ZNF264: variants seen among roughly 807,000 people sequenced by gnomAD.
ZNF264 encodes zinc finger protein 264.
A neutral mutation model predicts 11.2 loss-of-function variants in ZNF264; 11 were observed. The ratio of observed to expected loss-of-function variants is 0.98; its 90% CI spans 0.62 to 1.63. ZNF264 has a LOEUF of 1.63. ZNF264 is among the 40% of genes most tolerant of loss of function. The probability of loss-of-function intolerance (pLI) is 0.00; values close to 1 mark genes in which losing one functional copy is unlikely to be tolerated. For missense variants in ZNF264, 752 were observed against 768.1 expected, an observed-to-expected ratio of 0.98 and a Z score of 0.25; for synonymous variants, 309 against 279.8, an observed-to-expected ratio of 1.10 and a Z score of -1.04.
intron 2 of ZNF264, among the ~76,000 whole-genome samples, chr19:57,198,298 T>G (rs189876778): frequency 3.3e-5 from 5 of 152,126 alleles, no homozygotes; most frequent in South Asian, 2.1e-4. Flanking sequence ...CCGTCTGTCT[T>G]CTGCTCAGGC....
In ZNF264 at chr19:57,191,697, AG is replaced by A. The variant is rs2087173888; in HGVS notation, c.-216del. 2 of 402,072 alleles carry A rather than the reference AG, an allele frequency of 5.0e-6. No homozygotes were observed. The highest frequency in any genetic ancestry group is 8.8e-6 in the Non-Finnish European group (2 of 228,132). 24.9% of individuals were successfully genotyped at this position (402,072 alleles called of 1,614,324 possible). A position where few individuals can be genotyped will look rare whatever the true frequency, so the allele number is the denominator to read the frequency against. On this transcript the variant is annotated 5_prime_UTR_variant, in exon 1 of 4. Coordinates refer to ENST00000263095, the MANE Select transcript of ZNF264 (RefSeq NM_003417.5). Reference sequence around the variant, plus strand: ...TGCGGTCTCTCCTCCCCCGCCCTTCAGCCCCGCGGTCTCCAGGGGCGGCGCC... The same window carrying A: ...TGCGGTCTCTCCTCCCCCGCCCTTCACCCCGCGGTCTCCAGGGGCGGCGCC...
At position 57,214,342 on chromosome 19, in the gene ZNF264, T is replaced by A. The variant is rs1480838567; in HGVS notation, c.*1361T>A. On this transcript the variant is annotated 3_prime_UTR_variant, in exon 4 of 4. Transcript: ENST00000263095. Reference sequence around the variant, plus strand: ...GTAGGGGGGACAATGTTCAGTTTTTTGTTTTTTTGTTTTTTGTTTGAGACA... The same window carrying A: ...GTAGGGGGGACAATGTTCAGTTTTTAGTTTTTTTGTTTTTTGTTTGAGACA... 2 of 152,348 alleles carry A rather than the reference T, an allele frequency of 1.3e-5. No homozygotes were observed. Among genetic ancestry groups the A allele is most frequent in the African/African-American group, 4.8e-5 (2 of 41,446 alleles). The allele number at this position is 152,348 out of a possible 1,614,324, so 9.4% of individuals were successfully genotyped here.
At position 57,216,660 on chromosome 19, in the gene ZNF264, TC is replaced by T. The variant is rs1256302859; in HGVS notation, c.*3680del. ...TGTATCATTACTTATGAAGTCAGTT[TC>T]TTTGAACAGCATATACTCAGGCCAT... On this transcript the variant is annotated 3_prime_UTR_variant, in exon 4 of 4. Transcript: ENST00000263095. 2 of 152,086 alleles carry T rather than the reference TC, an allele frequency of 1.3e-5. No homozygotes were observed. Among genetic ancestry groups the T allele is most frequent in the African/African-American group, 4.8e-5 (2 of 41,434 alleles). The allele number at this position is 152,086 out of a possible 1,614,324, so 9.4% of individuals were successfully genotyped here.
rs1413873357 is a variant in ZNF264 at position 57,219,246 on chromosome 19, T to G, written c.*6265T>G. 1.3e-5 allele frequency: 2 copies of G among 152,214 alleles called. No homozygotes were observed. The highest frequency in any genetic ancestry group is 2.4e-5 in the African/African-American group (1 of 41,432). 9.4% of individuals were successfully genotyped at this position (152,214 alleles called of 1,614,324 possible). A position where few individuals can be genotyped will look rare whatever the true frequency, so the allele number is the denominator to read the frequency against. Reference sequence around the variant, plus strand: ...CTTCCAGGATCACTCTTGCCTTTTGTTATTGGACACATTTTCCTACCTCCT... The same window carrying G: ...CTTCCAGGATCACTCTTGCCTTTTGGTATTGGACACATTTTCCTACCTCCT... On this transcript the variant is annotated 3_prime_UTR_variant, in exon 4 of 4. Coordinates refer to ENST00000263095, the MANE Select transcript of ZNF264 (RefSeq NM_003417.5).
At chr19:57,203,344 G>A (rs897250542) in intron 2 of ZNF264, among the ~76,000 whole-genome samples, 1 of 152,128 alleles carries the variant, frequency 6.6e-6, no homozygotes, top group Non-Finnish European at 1.5e-5. Context: ...GCATGTGCTT[G>A]TTCCCAGGGG....
intron 1 of ZNF264, chr19:57,193,590 C>A: frequency 2.1e-6 from 2 of 969,642 alleles, no homozygotes; most frequent in Non-Finnish European, 2.5e-6. Context: ...CCCCATTTCC[C>A]TGTCGTTTTA....
At chr19:57,196,163 A>G (rs1401943637) in intron 2 of ZNF264, among the ~76,000 whole-genome samples, 1 of 151,938 alleles carries the variant, frequency 6.6e-6, no homozygotes, top group South Asian at 2.1e-4. Context: ...TATGGGGAAC[A>G]TGGTAAGATC....
At chr19:57,196,579 C>T (rs1434952473) in intron 2 of ZNF264, among the ~76,000 whole-genome samples, 1 of 151,902 alleles carries the variant, frequency 6.6e-6, no homozygotes, top group East Asian at 1.9e-4. Context: ...CAACCTCCAT[C>T]CCTGCCACTA....
At position 57,194,980 on chromosome 19, in the gene ZNF264, C is replaced by T. The variant is rs1254204918; in HGVS notation, c.160+979C>T. 4 of 383,842 alleles carry T rather than the reference C, an allele frequency of 1.0e-5. No homozygotes were observed. In the Admixed American group the frequency reaches 1.4e-4, roughly 13 times the overall value. 23.8% of individuals were successfully genotyped at this position (383,842 alleles called of 1,614,324 possible). Reference sequence around the variant, plus strand: ...TTTGAGGTAACAGCTGTCAAGTGTCCGTTTCAAGTGTTTGGAGCTAGGGAC... The same window carrying T: ...TTTGAGGTAACAGCTGTCAAGTGTCTGTTTCAAGTGTTTGGAGCTAGGGAC... On this transcript the variant is annotated intron_variant, in intron 2 of 3. Coordinates refer to ENST00000263095, the MANE Select transcript of ZNF264 (RefSeq NM_003417.5).
At position 57,221,330 on chromosome 19, in the gene ZNF264, TGA is replaced by T. The variant is rs1451519393; in HGVS notation, c.*8351_*8352del. 1 of 152,288 alleles carries T rather than the reference TGA, an allele frequency of 6.6e-6. No individual in the cohort carries two copies. Among genetic ancestry groups the T allele is most frequent in the Non-Finnish European group, 1.5e-5 (1 of 68,138 alleles). 9.4% of individuals were successfully genotyped at this position (152,288 alleles called of 1,614,324 possible). A position where few individuals can be genotyped will look rare whatever the true frequency, so the allele number is the denominator to read the frequency against. On this transcript the variant is annotated 3_prime_UTR_variant, in exon 4 of 4. Transcript: ENST00000263095. ...TCCCAAAGTGCTGGGATTACAGGCGTGAGCCACCGCACCTGGCCTACCTGGGC... is the reference window on the plus strand; with the variant it reads ...TCCCAAAGTGCTGGGATTACAGGCGTGCCACCGCACCTGGCCTACCTGGGC...
rs2087357205 is a variant in ZNF264, at chr19:57,213,495, G to A, written c.*514G>A. ...GAAATACTCACGTTTAAGTCAGTAAGGATACACATGTTAACATTCAGGCTT... is the reference window on the plus strand; with the variant it reads ...GAAATACTCACGTTTAAGTCAGTAAAGATACACATGTTAACATTCAGGCTT... On this transcript the variant is annotated 3_prime_UTR_variant, in exon 4 of 4. Coordinates refer to ENST00000263095, the MANE Select transcript of ZNF264 (RefSeq NM_003417.5). 1 of 152,824 alleles carries A rather than the reference G, an allele frequency of 6.5e-6. No homozygotes were observed. The highest frequency in any genetic ancestry group is 1.5e-5 in the Non-Finnish European group (1 of 68,488). The allele number at this position is 152,824 out of a possible 1,614,324, so 9.5% of individuals were successfully genotyped here.
intron 1 of ZNF264, among the ~76,000 whole-genome samples, chr19:57,193,209 G>T (rs2087188000): frequency 6.6e-6 from 1 of 152,200 alleles, no homozygotes; most frequent in Non-Finnish European, 1.5e-5. Context: ...TGAGATGTGT[G>T]ACTGGGTGAA....
chr19:57,211,992 C>T lies in ZNF264; in HGVS notation c.895C>T (p.Arg299Cys), dbSNP rs752648928. Reference protein sequence around the residue: ...CNECGKAFTHRSNFVLHNRRH... With the variant: ...CNECGKAFTHCSNFVLHNRRH... ...TGAATGCGGAAAGGCCTTCACCCAC[C>T]GCTCCAATTTTGTCTTGCATAACAG... Residue 299 changes from arginine to cysteine, a missense_variant, in exon 4 of 4, where the codon CGC becomes TGC. Arg to Cys is a radical substitution (Grantham distance 180, BLOSUM62 -3). Transcript: ENST00000263095. 50 of 1,611,736 alleles carry T rather than the reference C, an allele frequency of 3.1e-5. No homozygotes were observed. The highest frequency in any genetic ancestry group is 2.2e-5 in the East Asian group (1 of 44,596).
intron 2 of ZNF264, chr19:57,195,018 T>C (rs150809512): frequency 1.7e-4 from 65 of 382,612 alleles, no homozygotes; most frequent in Non-Finnish European, 2.6e-4. Flanking sequence ...CTGGTGACTG[T>C]GTTAACACAG....
Position 57,211,504 on chromosome 19 carries a change from A to T in ZNF264, c.407A>T (p.Gln136Leu), listed in dbSNP as rs748917117. ...AEDQDGLSEM[Q>L]EGHFRPGIDP... ...GATCAGGATGGGCTATCAGAAATGC[A>T]GGAAGGACACTTCAGACCAGGAATA... Residue 136 changes from glutamine to leucine, a missense_variant, in exon 4 of 4, where the codon CAG becomes CTG. By Grantham distance (113) the Gln-to-Leu change is moderately radical. Transcript: ENST00000263095. The T allele has an allele frequency of 4.3e-6, 7 of 1,614,026 alleles. No individual in the cohort carries two copies. Among genetic ancestry groups the T allele is most frequent in the Non-Finnish European group, 5.9e-6 (7 of 1,180,048 alleles).
rs188596030 is a variant in ZNF264 at position 57,191,956 on chromosome 19, C to T, written c.33+10C>T. On this transcript the variant is annotated intron_variant, in intron 1 of 3. Transcript: ENST00000263095. ...GACGGACCGGGCCCAGGTGAGTGGA[C>T]GGTGGCTTCGCGGTTGCCGCTTCCT... The T allele has an allele frequency of 3.3e-6, 5 of 1,532,944 alleles. No individual in the cohort carries two copies. In the South Asian group the frequency reaches 3.6e-5, roughly 11 times the overall value. The allele number at this position is 1,532,944 out of a possible 1,614,324, so 95.0% of individuals were successfully genotyped here.
In ZNF264 at chr19:57,213,569, G is replaced by A. The variant is rs1206670621; in HGVS notation, c.*588G>A. 1 of 152,070 alleles carries A rather than the reference G, an allele frequency of 6.6e-6. No individual in the cohort carries two copies. The highest frequency in any genetic ancestry group is 6.6e-5 in the Admixed American group (1 of 15,266). 9.4% of individuals were successfully genotyped at this position (152,070 alleles called of 1,614,324 possible). On this transcript the variant is annotated 3_prime_UTR_variant, in exon 4 of 4. Transcript: ENST00000263095. ...TTTACGTCATCATTGTAGCCATATG[G>A]TAAATTTTTATTTGTTAAATTTTTA...
intron 2 of ZNF264, among the ~76,000 whole-genome samples, chr19:57,197,651 G>A (rs57133757): frequency 0.05 from 7,587 of 151,942 alleles, 817 homozygotes; most frequent in African/African-American, 0.17. Flanking sequence ...TGGGTCACTC[G>A]ATAAATGGGC....
At position 57,222,078 on chromosome 19, in the gene ZNF264, TG is replaced by T. The variant is rs1262512954; in HGVS notation, c.*9099del. 1 of 152,164 alleles carries T rather than the reference TG, an allele frequency of 6.6e-6. No homozygotes were observed. Among genetic ancestry groups the T allele is most frequent in the African/African-American group, 2.4e-5 (1 of 41,440 alleles). The allele number at this position is 152,164 out of a possible 1,614,324, so 9.4% of individuals were successfully genotyped here. On this transcript the variant is annotated 3_prime_UTR_variant, in exon 4 of 4. Transcript: ENST00000263095. ...ATGTAATGATTGTAATAAATTCAGG[TG>T]GCTCACGCCTGTGATACCAGCACTT...
Sources: gnomAD v4.1 joint callset for allele counts (sites outside exome capture counted in the v4.1 genomes callset) on GRCh38, gnomAD v4.1.1 for gene constraint, MANE v1.5 for transcripts, NCBI Gene and HGNC (gene_info 2026-07-23, HGNC 2026-07-21) for gene names.